The following DCN variants were observed in gnomAD, a reference collection of about 807,000 sequenced individuals.
DCN encodes the protein decorin, also known as bone proteoglycan II.
DCN carries 17 observed loss-of-function variants against 36.5 expected under a neutral mutation model. The ratio of observed to expected loss-of-function variants is 0.47; its 90% CI spans 0.32 to 0.70. The LOEUF (loss-of-function observed/expected upper bound fraction) is 0.70, where lower values mean the gene tolerates loss of function less well. Ranked by LOEUF, DCN falls within the 30% of genes least tolerant of loss-of-function variation. The pLI, the probability that DCN is intolerant of heterozygous loss-of-function variation, is 0.04. For missense variants in DCN, 389 were observed against 430.1 expected, an observed-to-expected ratio of 0.90 and a Z score of 0.84; for synonymous variants, 163 against 161.4, an observed-to-expected ratio of 1.01 and a Z score of -0.07.
chr12:91,146,797 A>G (rs1234090498), intron 7 of DCN, among the ~76,000 whole-genome samples: 1 of 152,168 alleles, frequency 6.6e-6, no homozygotes, highest in East Asian at 1.9e-4. Context: ...GGCTATATAC[A>G]TTGTCATTAT....
At chr12:91,151,540 G>A in intron 7 of DCN, 114 bp downstream of exon 7, 1 of 1,145,124 alleles carries the variant, frequency 8.7e-7, no homozygotes, top group Non-Finnish European at 1.3e-6. Flanking sequence ...TTCTAACTAA[G>A]ACACTCTGGA....
intron 2 of DCN, among the ~76,000 whole-genome samples, chr12:91,165,485 T>G (rs1436293186): frequency 6.6e-6 from 1 of 152,154 alleles, no homozygotes; most frequent in Non-Finnish European, 1.5e-5. Flanking sequence ...GGTCCTGGTA[T>G]TAAAAAATAT....
chr12:91,168,617 G>C (rs1655481347), intron 2 of DCN, among the ~76,000 whole-genome samples: 1 of 152,180 alleles, frequency 6.6e-6, no homozygotes, highest in Non-Finnish European at 1.5e-5. Context: ...ATGGCTTTGA[G>C]ATCATTTCTG....
chr12:91,166,547 T>G (rs974529449), intron 2 of DCN, among the ~76,000 whole-genome samples: 1 of 152,212 alleles, frequency 6.6e-6, no homozygotes, highest in Admixed American at 6.5e-5. Context: ...CTTGGGCACC[T>G]TCATCACAGT....
chr12:91,151,841 T>TCTTACAAGCATTGTGTAGTTA, intron 6 of DCN, 49 bp from the exon 7 acceptor site: 1 of 1,609,746 alleles, frequency 6.2e-7, no homozygotes. Flanking sequence ...TGGATGCCTT[T>TCTTACAAGCATTGTGTAGTTA]CTTACAAGCA....
intron 3 of DCN, among the ~76,000 whole-genome samples, chr12:91,162,847 C>T (rs1882246450): frequency 6.6e-6 from 1 of 152,160 alleles, no homozygotes; most frequent in Non-Finnish European, 1.5e-5. Context: ...CAACATGGCC[C>T]TTCAAATGTG....
At chr12:91,167,472 G>GACACAC (rs34663648) in intron 2 of DCN, among the ~76,000 whole-genome samples, 59 of 145,202 alleles carry the variant, frequency 4.1e-4, no homozygotes, top group African/African-American at 7.2e-4. Flanking sequence ...CAGACAGACA[G>GACACAC]ACACACACAC....
rs1237309690 is a variant in DCN at position 91,153,245 on chromosome 12, T to G, written c.653-56A>C. ...GCAGATAAACATTATAAGTACAGAA[T>G]GTGGACAAACTTAAAGAAGACATAT... On this transcript the variant is annotated intron_variant, in intron 5 of 7. Coordinates refer to ENST00000052754, the MANE Select transcript of DCN (RefSeq NM_001920.5). The G allele has an allele frequency of 6.1e-6, 6 of 988,900 alleles. No individual in the cohort carries two copies. The East Asian group carries it at 1.2e-4, about 20-fold the overall frequency. The allele number at this position is 988,900 out of a possible 1,614,324, so 61.3% of individuals were successfully genotyped here. A position where few individuals can be genotyped will look rare whatever the true frequency, so the allele number is the denominator to read the frequency against.
intron 1 of DCN, among the ~76,000 whole-genome samples, chr12:91,181,840 A>T (rs1299213287): frequency 6.6e-6 from 1 of 152,062 alleles, no homozygotes; most frequent in Admixed American, 6.6e-5. Context: ...GGCGGCATTT[A>T]TCCACAAACA....
chr12:91,152,992 G>T (rs1218592649), intron 6 of DCN, 104 bp downstream of exon 6: 4 of 736,342 alleles, frequency 5.4e-6, no homozygotes, highest in Non-Finnish European at 7.5e-6. Flanking sequence ...GCAGTGAAAT[G>T]TAGTACACTC....
At position 91,143,815 on chromosome 12, in the gene DCN, G is replaced by GAT. The variant is rs753323123; in HGVS notation, c.*2241_*2242dup. ...ACATATATATGTATATATGCAAAAA[G>GAT]ATATATATATAAATATATATATATA... is the stretch of plus-strand genomic sequence containing the variant. On this transcript the variant is annotated 3_prime_UTR_variant, in exon 8 of 8. Coordinates refer to ENST00000052754, the MANE Select transcript of DCN (RefSeq NM_001920.5). 22 of 146,444 alleles carry GAT rather than the reference G, an allele frequency of 1.5e-4. 1 individual carries two copies. In the East Asian group the frequency reaches 2.2e-3, roughly 15 times the overall value. 9.1% of individuals were successfully genotyped at this position (146,444 alleles called of 1,614,324 possible). A position where few individuals can be genotyped will look rare whatever the true frequency, so the allele number is the denominator to read the frequency against.
At chr12:91,154,771 A>G (rs1203952971) in intron 5 of DCN, among the ~76,000 whole-genome samples, 1 of 152,236 alleles carries the variant, frequency 6.6e-6, no homozygotes, top group East Asian at 1.9e-4. Flanking sequence ...TGGGCCAAGT[A>G]CTTGCGTGTA....
At position 91,164,736 on chromosome 12, in the gene DCN, G is replaced by T. The variant is rs1379946619; in HGVS notation, c.212-19C>A. ...TCCAGACCTAGCATAAGAGTAATAGGAGTGTGCTGTGAGTAGAAAGGACAT... is the reference window on the plus strand; with the variant it reads ...TCCAGACCTAGCATAAGAGTAATAGTAGTGTGCTGTGAGTAGAAAGGACAT... On this transcript the variant is annotated intron_variant, in intron 2 of 7. Coordinates refer to ENST00000052754, the MANE Select transcript of DCN (RefSeq NM_001920.5). 5 of 1,283,120 alleles carry T rather than the reference G, an allele frequency of 3.9e-6. No individual in the cohort carries two copies. Among genetic ancestry groups the T allele is most frequent in the Non-Finnish European group, 5.7e-6 (5 of 877,812 alleles). The allele number at this position is 1,283,120 out of a possible 1,614,324, so 79.5% of individuals were successfully genotyped here. A position where few individuals can be genotyped will look rare whatever the true frequency, so the allele number is the denominator to read the frequency against.
intron 7 of DCN, 25 bp from the exon 8 acceptor site, chr12:91,146,277 A>T (rs774193686): frequency 1.3e-5 from 19 of 1,435,406 alleles, no homozygotes; most frequent in Admixed American, 5.1e-5. Flanking sequence ...GATAGAAAAT[A>T]ATTATTATTC....
At chr12:91,177,742 T>C in intron 2 of DCN, 2 of 694,498 alleles carry the variant, frequency 2.9e-6, no homozygotes, top group Non-Finnish European at 5.3e-6. Context: ...TGAAACTTTC[T>C]AAAGAATATA....
rs1880804745 is a variant in DCN at position 91,143,098 on chromosome 12, GA to G, written c.*2959del. 1 of 152,182 alleles carries G rather than the reference GA, an allele frequency of 6.6e-6. No individual in the cohort carries two copies. Among genetic ancestry groups the G allele is most frequent in the South Asian group, 2.1e-4 (1 of 4,826 alleles). The allele number at this position is 152,182 out of a possible 1,614,324, so 9.4% of individuals were successfully genotyped here. ...ATGAGAGAGAAGGCCATGTGAGGGT[GA>G]AGATGGAGGCATAAATTAGAGTCAC... On this transcript the variant is annotated 3_prime_UTR_variant, in exon 8 of 8. Transcript: ENST00000052754.
At position 91,142,104 on chromosome 12, in the gene DCN, G is replaced by A. The variant is rs1269048294; in HGVS notation, c.*3954C>T. 1 of 152,204 alleles carries A rather than the reference G, an allele frequency of 6.6e-6. No homozygotes were observed. Among genetic ancestry groups the A allele is most frequent in the Admixed American group, 6.5e-5 (1 of 15,270 alleles). The allele number at this position is 152,204 out of a possible 1,614,324, so 9.4% of individuals were successfully genotyped here. A position where few individuals can be genotyped will look rare whatever the true frequency, so the allele number is the denominator to read the frequency against. On this transcript the variant is annotated 3_prime_UTR_variant, in exon 8 of 8. Transcript: ENST00000052754. ...CCTGTGATTTGAAATAATTGTGACAGATGGTGTGCTTGAATACATAAACAG... is the reference window on the plus strand; with the variant it reads ...CCTGTGATTTGAAATAATTGTGACAAATGGTGTGCTTGAATACATAAACAG...
At chr12:91,178,716 C>T in intron 1 of DCN, 131 bp from the exon 2 acceptor site, 1 of 677,228 alleles carries the variant, frequency 1.5e-6, no homozygotes, top group Non-Finnish European at 2.6e-6. Flanking sequence ...TATCAGGAAG[C>T]AGAGCATTAA....
chr12:91,175,145 A>G (rs1017485824), intron 2 of DCN: 4 of 152,124 alleles, frequency 2.6e-5, no homozygotes, highest in African/African-American at 9.6e-5. Context: ...TATTTTTAAC[A>G]TTGCTTTTTG....
Sources: allele counts gnomAD v4.1 joint callset (sites outside exome capture counted in the v4.1 genomes callset), GRCh38; gene constraint gnomAD v4.1.1; transcripts MANE v1.5; gene names NCBI Gene and HGNC (gene_info 2026-07-23, HGNC 2026-07-21).